PPP2R2C: variants seen among roughly 807,000 people sequenced by gnomAD.
The protein encoded by PPP2R2C is protein phosphatase 2 regulatory subunit Bgamma.
Under a neutral mutation model 45.3 loss-of-function variants are expected in PPP2R2C, and 10 were observed. That is an observed-to-expected ratio of 0.22 (90% CI 0.14 to 0.37). PPP2R2C has a LOEUF of 0.37. PPP2R2C is among the 10% of genes least tolerant of loss of function. PPP2R2C has a pLI of 1.00. For missense variants in PPP2R2C, 308 were observed against 619.7 expected, an observed-to-expected ratio of 0.50 and a Z score of 5.34; for synonymous variants, 257 against 245.4, an observed-to-expected ratio of 1.05 and a Z score of -0.44.
In PPP2R2C at chr4:6,378,566, T is replaced by G; in HGVS notation, c.175A>C (p.Asn59His). The G allele has an allele frequency of 6.2e-7, 1 of 1,613,310 alleles. No individual in the cohort carries two copies. The part of the protein sequence containing the change: ...VIFQREPESK[N>H]APHSQGEYDV... ...TATTCGCCCTGGCTGTGGGGCGCAT[T>G]TTTACTCTGCAGGGAAACCCGGAGA... The change falls in exon 3 of 9, where the codon AAT (asparagine) becomes CAT (histidine). Residue 59 changes from asparagine (N) to histidine (H), a missense_variant. Coordinates refer to ENST00000382599, the MANE Select transcript of PPP2R2C (RefSeq NM_020416.4). This position sits in a 1 kb window ranked among gnomAD's most constrained non-coding sequence, Gnocchi z 5.2.
At chr4:6,421,664 C>T (rs1397416693) in intron 1 of PPP2R2C, among the ~76,000 whole-genome samples, 1 of 151,938 alleles carries the variant, frequency 6.6e-6, no homozygotes, top group Non-Finnish European at 1.5e-5. Context: ...CTGAGAATGA[C>T]GAGGAGAGGG....
intron 1 of PPP2R2C, chr4:6,382,241 T>A (rs1715852181): frequency 8.2e-7 from 1 of 1,213,780 alleles, no homozygotes; most frequent in African/African-American, 1.6e-5. Context: ...GAGCCCGGGA[T>A]GGCCCGCTGC....
At chr4:6,381,750 C>A (rs758424814) in intron 1 of PPP2R2C, 2 of 1,602,844 alleles carry the variant, frequency 1.2e-6, no homozygotes, top group Non-Finnish European at 8.5e-7. Flanking sequence ...CACTCAGGAA[C>A]CTCTCCTTAT....
intron 2 of PPP2R2C, among the ~76,000 whole-genome samples, chr4:6,494,585 C>T (rs965270880): frequency 3.3e-5 from 5 of 152,178 alleles, no homozygotes; most frequent in Non-Finnish European, 7.3e-5. Flanking sequence ...ACAAACCCAG[C>T]CCCTAACTCA....
intron 2 of PPP2R2C, among the ~76,000 whole-genome samples, chr4:6,512,898 C>T (rs1286165994): frequency 6.6e-6 from 1 of 151,816 alleles, no homozygotes; most frequent in Admixed American, 6.6e-5. Context: ...ATGATAAAAC[C>T]CAGTGAAATC....
chr4:6,489,821 C>T (rs561791811), intron 2 of PPP2R2C, among the ~76,000 whole-genome samples: 2 of 152,258 alleles, frequency 1.3e-5, no homozygotes, highest in African/African-American at 4.8e-5. Context: ...GACAGGAAAC[C>T]ACCTGTTACC....
intron 8 of PPP2R2C, among the ~76,000 whole-genome samples, chr4:6,326,973 G>C (rs1465085895): frequency 6.6e-6 from 1 of 152,226 alleles, no homozygotes; most frequent in African/African-American, 2.4e-5. Flanking sequence ...GGGAACCTGG[G>C]GGGAATCCTT....
chr4:6,531,258 G>A (rs552325409), intron 2 of PPP2R2C, among the ~76,000 whole-genome samples: 1 of 152,338 alleles, frequency 6.6e-6, no homozygotes, highest in African/African-American at 2.4e-5. Flanking sequence ...TTCTGAGGGT[G>A]CAGATGGCAG....
chr4:6,444,254 C>A (rs1277574123), intron 1 of PPP2R2C, among the ~76,000 whole-genome samples: 1 of 152,182 alleles, frequency 6.6e-6, no homozygotes, highest in Non-Finnish European at 1.5e-5. Context: ...CCTTTGACAC[C>A]ATTACAGGAG....
intron 1 of PPP2R2C, among the ~76,000 whole-genome samples, chr4:6,458,402 C>T (rs996561066): frequency 6.6e-6 from 1 of 152,216 alleles, no homozygotes; most frequent in African/African-American, 2.4e-5. Context: ...GACTCTCAAA[C>T]AGTGCCTTCT....
At chr4:6,413,811 C>G in intron 1 of PPP2R2C, 1 of 1,476,170 alleles carries the variant, frequency 6.8e-7, no homozygotes, top group South Asian at 1.2e-5. Context: ...CCACAGCTAG[C>G]AGAGGACTGT....
chr4:6,403,796 G>C (rs1285107294), intron 1 of PPP2R2C, among the ~76,000 whole-genome samples: 1 of 151,922 alleles, frequency 6.6e-6, no homozygotes, highest in Admixed American at 6.6e-5. Context: ...CTGGGAGGCG[G>C]AGGTTGCAGT....
At chr4:6,429,370 T>C (rs1719497984) in intron 1 of PPP2R2C, among the ~76,000 whole-genome samples, 1 of 152,220 alleles carries the variant, frequency 6.6e-6, no homozygotes, top group Admixed American at 6.5e-5. Flanking sequence ...ACAGTGACTT[T>C]CAGGCCCTCG....
rs1732460762 is a variant in PPP2R2C, at chr4:6,332,185, A to G, written c.960+1377T>C. On this transcript the variant is annotated intron_variant, in intron 7 of 8. Coordinates refer to ENST00000382599, the MANE Select transcript of PPP2R2C (RefSeq NM_020416.4). This position sits in a 1 kb window ranked among gnomAD's most constrained non-coding sequence, Gnocchi z 4.9. ...CAGGGATGGAGGTAAGTGACCGGACAAGGGGCCGGAGGGGGTTGGAAATGT... is the reference window on the plus strand; with the variant it reads ...CAGGGATGGAGGTAAGTGACCGGACGAGGGGCCGGAGGGGGTTGGAAATGT... Among the ~76,000 whole-genome samples, 1 of 152,150 alleles carries G rather than the reference A, an allele frequency of 6.6e-6. No individual in the cohort carries two copies. Among genetic ancestry groups the G allele is most frequent in the South Asian group, 2.1e-4 (1 of 4,818 alleles).
chr4:6,338,391 C>T (rs1388267757), intron 6 of PPP2R2C, among the ~76,000 whole-genome samples: 2 of 152,232 alleles, frequency 1.3e-5, no homozygotes, highest in African/African-American at 2.4e-5. Flanking sequence ...CACAGAGAGC[C>T]TTCCCCACCC....
rs540016678 is a variant in PPP2R2C at position 6,332,448 on chromosome 4, T to C, written c.960+1114A>G. On this transcript the variant is annotated intron_variant, in intron 7 of 8. Transcript: ENST00000382599. This position sits in a 1 kb window ranked among gnomAD's most constrained non-coding sequence, Gnocchi z 4.9. ...AAACAGGCGGTCCCCATAGCGGTCC[T>C]TGTGGGTGTGTGGCTTCCAGGAGCG... 2.6e-5 allele frequency among the ~76,000 whole-genome samples: 4 copies of C among 152,242 alleles called. No individual in the cohort carries two copies. In the South Asian group the frequency reaches 8.3e-4, roughly 32 times the overall value.
At chr4:6,458,179 T>C (rs1721139368) in intron 1 of PPP2R2C, among the ~76,000 whole-genome samples, 2 of 152,368 alleles carry the variant, frequency 1.3e-5, no homozygotes, top group East Asian at 3.9e-4. Flanking sequence ...AGCATCATCT[T>C]TGCTGGCCAA....
intron 1 of PPP2R2C, among the ~76,000 whole-genome samples, chr4:6,536,016 C>T (rs2108827341): frequency 6.6e-6 from 1 of 152,298 alleles, no homozygotes; most frequent in South Asian, 2.1e-4. Flanking sequence ...GTTAGTCCCG[C>T]ACCACCCCCA....
intron 2 of PPP2R2C, among the ~76,000 whole-genome samples, chr4:6,524,370 C>G (rs115944668): frequency 6.6e-6 from 1 of 152,182 alleles, no homozygotes; most frequent in South Asian, 2.1e-4. Context: ...AGAAAGTGGA[C>G]TCATGGTTGC....
Sources: gnomAD v4.1 joint callset for allele counts (sites outside exome capture counted in the v4.1 genomes callset) on GRCh38, gnomAD v4.1.1 for gene constraint, Gnocchi (gnomAD v3.1) non-coding constraint, MANE v1.5 for transcripts, NCBI Gene and HGNC (gene_info 2026-07-23, HGNC 2026-07-21) for gene names.